The following MYT1L variants were observed in gnomAD, a reference collection of about 807,000 sequenced individuals.
MYT1L encodes the protein myelin transcription factor 1 like, also known as myelin transcription factor 1-like protein.
A neutral mutation model predicts 126.7 loss-of-function variants in MYT1L; 12 were observed. The ratio of observed to expected loss-of-function variants is 0.09; its 90% CI spans 0.06 to 0.15. The LOEUF (loss-of-function observed/expected upper bound fraction) is 0.15, where lower values mean the gene tolerates loss of function less well. MYT1L is among the 10% of genes least tolerant of loss of function. The pLI is 1.00. For missense variants in MYT1L, 979 were observed against 1,585.2 expected (o/e 0.62, Z 6.49); for synonymous variants, 541 against 604.2 (o/e 0.90, Z 1.53).
intron 3 of MYT1L, among the ~76,000 whole-genome samples, chr2:2,060,675 C>G (rs2070306136): frequency 8.0e-6 from 1 of 124,308 alleles, no homozygotes; most frequent in Non-Finnish European, 1.7e-5. Flanking sequence ...CCCTCCCCTC[C>G]CCTCCCCTCC....
chr2:2,187,849 C>T (rs1179224155), intron 2 of MYT1L, among the ~76,000 whole-genome samples: 2 of 151,976 alleles, frequency 1.3e-5, no homozygotes, highest in Admixed American at 1.3e-4. Flanking sequence ...TGTTCTTATC[C>T]CCAATTCTTT....
intron 1 of MYT1L, among the ~76,000 whole-genome samples, chr2:2,315,278 A>T (rs2096046890): frequency 6.6e-6 from 1 of 152,100 alleles, no homozygotes; most frequent in Admixed American, 6.5e-5. Flanking sequence ...GCACCTACAG[A>T]CATTCAGTAA....
At chr2:1,984,858 C>T (rs182195161) in intron 5 of MYT1L, among the ~76,000 whole-genome samples, 299 of 152,180 alleles carry the variant, frequency 2.0e-3, no homozygotes, top group Non-Finnish European at 3.9e-3. Context: ...CAGTAAAATC[C>T]CTTGGAGTCC....
Position 1,892,284 on chromosome 2 carries a change from T to G in MYT1L, c.2036A>C (p.Lys679Thr), listed in dbSNP as rs2048987536. The G allele has an allele frequency of 6.5e-7, 1 of 1,547,950 alleles. No homozygotes were observed. Among genetic ancestry groups the G allele is most frequent in the Non-Finnish European group, 8.7e-7 (1 of 1,145,948 alleles). The part of the protein sequence containing the change: ...DISPKGYDDA[K>T]RYCKDPSPSS... ...GGGGCTGGGGTCCTTGCAGTACCGC[T>G]TCGCTGGGGAGACAGGGACAGGGAT... Residue 679 changes from lysine (K) to threonine (T), a missense_variant, in exon 15 of 25, where the codon AAG becomes ACG. Lys to Thr is a moderately conservative substitution (Grantham distance 78). Coordinates refer to ENST00000647738, the MANE Select transcript of MYT1L (RefSeq NM_001303052.2).
chr2:1,835,867 C>T (rs1045248814), intron 21 of MYT1L, among the ~76,000 whole-genome samples: 3 of 152,184 alleles, frequency 2.0e-5, no homozygotes, highest in African/African-American at 7.2e-5. Context: ...AGGAGCCGCC[C>T]CTGGCATGCT....
chr2:1,842,317 T>TGGGAAGGTTC (rs893328690), intron 19 of MYT1L: 2 of 152,532 alleles, frequency 1.3e-5, no homozygotes, highest in East Asian at 3.9e-4. Context: ...CAGGCGGGTG[T>TGGGAAGGTTC]GGGAAGGTTC....
chr2:1,950,050 A>G (rs1330077888), intron 8 of MYT1L, among the ~76,000 whole-genome samples: 1 of 152,186 alleles, frequency 6.6e-6, no homozygotes, highest in Non-Finnish European at 1.5e-5. Flanking sequence ...GGCACTTTCT[A>G]AAATCTCTAT....
At position 2,058,379 on chromosome 2, in the gene MYT1L, CG is replaced by C. The variant is rs1376322143; in HGVS notation, c.-303-4257del. Among the ~76,000 whole-genome samples the C allele has an allele frequency of 2.0e-5, 3 of 152,096 alleles. No individual in the cohort carries two copies. The East Asian group carries it at 5.8e-4, about 29-fold the overall frequency. On this transcript the variant is annotated intron_variant, in intron 3 of 24. Coordinates refer to ENST00000647738, the MANE Select transcript of MYT1L (RefSeq NM_001303052.2). ...TTTGCTACCTTGTTGCTTGTCTTTTCGTTGTCTTAACAGAGTGTTTTGTAGA... is the reference window on the plus strand; with the variant it reads ...TTTGCTACCTTGTTGCTTGTCTTTTCTTGTCTTAACAGAGTGTTTTGTAGA...
At chr2:2,058,508 G>C (rs1026506644) in intron 3 of MYT1L, among the ~76,000 whole-genome samples, 3 of 152,084 alleles carry the variant, frequency 2.0e-5, no homozygotes, top group Non-Finnish European at 4.4e-5. Flanking sequence ...CTTTCCCCAC[G>C]GAAAAGCTAC....
In MYT1L at chr2:1,791,345, T is replaced by A. The variant is rs900487996; in HGVS notation, c.*522A>T. ...GCATTTTTGCAACGAATTCTTGCTA[T>A]GAAACAATATGCACACAAAATGTAT... On this transcript the variant is annotated 3_prime_UTR_variant, in exon 25 of 25. Coordinates refer to ENST00000647738, the MANE Select transcript of MYT1L (RefSeq NM_001303052.2). This position sits in a 1 kb window ranked among gnomAD's most constrained non-coding sequence, Gnocchi z 6.0. 2.2e-6 allele frequency: 1 copy of A among 446,426 alleles called. No individual in the cohort carries two copies. Among genetic ancestry groups the A allele is most frequent in the Non-Finnish European group, 4.6e-6 (1 of 217,052 alleles). The allele number at this position is 446,426 out of a possible 1,614,324, so 27.7% of individuals were successfully genotyped here. A position where few individuals can be genotyped will look rare whatever the true frequency, so the allele number is the denominator to read the frequency against.
chr2:1,903,926 CGT>C (rs140944278), intron 13 of MYT1L, among the ~76,000 whole-genome samples: 3,555 of 150,274 alleles, frequency 0.024, 100 homozygotes, highest in African/African-American at 0.073. Context: ...GACACCATGT[CGT>C]GTGTGTGTGT....
chr2:2,105,698 G>T (rs73911360), intron 3 of MYT1L, among the ~76,000 whole-genome samples: 2,955 of 152,208 alleles, frequency 0.019, 84 homozygotes, highest in African/African-American at 0.064. Flanking sequence ...ATAAATTACT[G>T]GTATGCATTT....
chr2:2,090,975 C>A lies in MYT1L; in HGVS notation c.-303-36852G>T, dbSNP rs1022108210. Among the ~76,000 whole-genome samples, 22 of 152,310 alleles carry A rather than the reference C, an allele frequency of 1.4e-4. No homozygotes were observed. The South Asian group carries it at 2.7e-3, about 19-fold the overall frequency. ...TTAAACTCCACTTCTAATTTTAGTT[C>A]TCTTGCTATTTCTACCACATCTGCA... On this transcript the variant is annotated intron_variant, in intron 3 of 24. Coordinates refer to ENST00000647738, the MANE Select transcript of MYT1L (RefSeq NM_001303052.2).
intron 2 of MYT1L, among the ~76,000 whole-genome samples, chr2:2,186,707 A>G (rs2092236177): frequency 6.6e-6 from 1 of 152,256 alleles, no homozygotes; most frequent in South Asian, 2.1e-4. Context: ...CAATTTTTGC[A>G]TAAGCATCGC....
intron 8 of MYT1L, among the ~76,000 whole-genome samples, chr2:1,954,268 C>T (rs907988823): frequency 3.3e-5 from 5 of 152,172 alleles, no homozygotes; most frequent in Admixed American, 1.3e-4. Context: ...CGCGAGGCTG[C>T]GTAGCCACTG....
chr2:2,131,671 C>T (rs1433633114), intron 3 of MYT1L, among the ~76,000 whole-genome samples: 3 of 152,014 alleles, frequency 2.0e-5, no homozygotes, highest in Non-Finnish European at 2.9e-5. Flanking sequence ...CAAGCTGTCC[C>T]ATGGAAAACG....
chr2:2,197,751 G>GCA (rs140667495), intron 2 of MYT1L, among the ~76,000 whole-genome samples: 9 of 124,210 alleles, frequency 7.2e-5, no homozygotes, highest in African/African-American at 2.1e-4. Context: ...ATACACACAT[G>GCA]CACACACACA....
chr2:2,081,944 C>T (rs1209820012), intron 3 of MYT1L, among the ~76,000 whole-genome samples: 5 of 151,982 alleles, frequency 3.3e-5, no homozygotes, highest in East Asian at 1.9e-4. Context: ...GGTTTCACCA[C>T]GTTGGTCAGG....
chr2:2,110,885 AC>A (rs1260878090), intron 3 of MYT1L, among the ~76,000 whole-genome samples: 1 of 152,176 alleles, frequency 6.6e-6, no homozygotes, highest in Non-Finnish European at 1.5e-5. Context: ...TGTGACCACA[AC>A]TGAGGTCTCA....
Sources: allele counts gnomAD v4.1 joint callset (sites outside exome capture counted in the v4.1 genomes callset), GRCh38; gene constraint gnomAD v4.1.1; non-coding constraint Gnocchi (gnomAD v3.1); transcripts MANE v1.5; gene names NCBI Gene and HGNC (gene_info 2026-07-23, HGNC 2026-07-21).